The following NEGR1 variants were observed in gnomAD, a reference collection of about 807,000 sequenced individuals.
NEGR1 encodes IgLON family member 4.
In NEGR1, 10 loss-of-function variants were observed where a neutral mutation model predicts 40.9. The ratio of observed to expected loss-of-function variants is 0.24; its 90% CI spans 0.15 to 0.42. The LOEUF (loss-of-function observed/expected upper bound fraction) is 0.42. NEGR1 is among the 10% of genes least tolerant of loss of function. The pLI is 1.00. For synonymous variants in NEGR1, 185 were observed against 166.8 expected (o/e 1.11, Z -0.84); for missense variants, 352 against 438.9 (o/e 0.80, Z 1.77).
At chr1:71,430,656 T>A (rs190351224) in intron 6 of NEGR1, among the ~76,000 whole-genome samples, 2,044 of 144,754 alleles carry the variant, frequency 0.014, 46 homozygotes, top group East Asian at 0.044. Flanking sequence ...TAGCTTTTTT[T>A]TAAAAAAAAA....
chr1:71,981,529 G>T (rs1212996114), intron 1 of NEGR1, among the ~76,000 whole-genome samples: 1 of 152,144 alleles, frequency 6.6e-6, no homozygotes, highest in African/African-American at 2.4e-5. Flanking sequence ...TGGAAGTGAT[G>T]GAAGTGAAAC....
At chr1:71,553,828 A>T (rs193197961) in intron 6 of NEGR1, among the ~76,000 whole-genome samples, 34 of 151,568 alleles carry the variant, frequency 2.2e-4, no homozygotes, top group Non-Finnish European at 4.3e-4. Flanking sequence ...GTGTAGATAT[A>T]GCACAAATAT....
chr1:71,731,451 G>T (rs74782184), intron 3 of NEGR1, among the ~76,000 whole-genome samples: 10,989 of 152,122 alleles, frequency 0.072, 495 homozygotes, highest in East Asian at 0.14. Context: ...ACCATTCTGG[G>T]TCTTTTTAAA....
Position 71,625,232 on chromosome 1 carries a change from TTTG to T in NEGR1, c.668-14089_668-14087del, listed in dbSNP as rs1264557290. Among the ~76,000 whole-genome samples, 3 of 152,014 alleles carry T rather than the reference TTTG, an allele frequency of 2.0e-5. No homozygotes were observed. The East Asian group carries it at 5.8e-4, about 30-fold the overall frequency. On this transcript the variant is annotated intron_variant, in intron 4 of 6. Transcript: ENST00000357731. ...TCTGCATTTATATTGCTTTCACATT[TTTG>T]ATTTTTTTGTGTGTATGATACCTTA... is the stretch of plus-strand genomic sequence containing the variant.
chr1:72,213,467 T>A (rs548767336), intron 1 of NEGR1, among the ~76,000 whole-genome samples: 1 of 151,948 alleles, frequency 6.6e-6, no homozygotes, highest in Non-Finnish European at 1.5e-5. Context: ...TATGAAAACA[T>A]TCATCCAGGT....
intron 4 of NEGR1, among the ~76,000 whole-genome samples, chr1:71,687,396 G>C (rs1653074381): frequency 6.6e-6 from 1 of 152,094 alleles, no homozygotes. Flanking sequence ...AATGCCCCTG[G>C]CACAGTGGGC....
intron 1 of NEGR1, among the ~76,000 whole-genome samples, chr1:72,027,433 G>A (rs1311534794): frequency 6.6e-6 from 1 of 151,704 alleles, no homozygotes; most frequent in African/African-American, 2.4e-5. Context: ...TAGCTCACTA[G>A]ATTCCATGTA....
chr1:72,196,289 A>G (rs1179691953), intron 1 of NEGR1, among the ~76,000 whole-genome samples: 3 of 152,036 alleles, frequency 2.0e-5, no homozygotes, highest in Admixed American at 1.3e-4. Context: ...AAATTTCAAA[A>G]TCTGAAAAAA....
chr1:71,595,047 T>C (rs1181822573), intron 5 of NEGR1, among the ~76,000 whole-genome samples: 1 of 152,234 alleles, frequency 6.6e-6, no homozygotes, highest in Non-Finnish European at 1.5e-5. Flanking sequence ...ATGTTCCTTA[T>C]GGCTGTCTTT....
At position 71,875,722 on chromosome 1, in the gene NEGR1, A is replaced by C. The variant is rs750303954; in HGVS notation, c.409+59357T>G. On this transcript the variant is annotated intron_variant, in intron 2 of 6. Transcript: ENST00000357731. The stretch of plus-strand genomic sequence containing the variant: ...TAGAGACTGAAAACATCTGTATTTC[A>C]GAGGTCCTGCTTAACTACTTGAAAC... 1.1e-3 allele frequency among the ~76,000 whole-genome samples: 161 copies of C among 152,318 alleles called. 2 individuals are homozygous for C. Among genetic ancestry groups the C allele is most frequent in the Non-Finnish European group, 1.2e-3 (83 of 68,028 alleles).
chr1:71,975,983 G>T (rs1472173020), intron 1 of NEGR1, among the ~76,000 whole-genome samples: 1 of 152,218 alleles, frequency 6.6e-6, no homozygotes, highest in Non-Finnish European at 1.5e-5. Flanking sequence ...AGACTGTGTT[G>T]TGTGGTTATC....
At chr1:72,007,948 G>A (rs1010555984) in intron 1 of NEGR1, among the ~76,000 whole-genome samples, 18 of 152,056 alleles carry the variant, frequency 1.2e-4, no homozygotes, top group African/African-American at 4.3e-4. Context: ...GAGCGGCTAA[G>A]TTTTAACTAT....
intron 1 of NEGR1, among the ~76,000 whole-genome samples, chr1:72,046,539 T>C (rs1282405030): frequency 6.6e-6 from 1 of 151,614 alleles, no homozygotes; most frequent in South Asian, 2.1e-4. Flanking sequence ...AACAGATCTA[T>C]GTTAGAATAC....
At chr1:71,952,119 A>C (rs1411659477) in intron 1 of NEGR1, among the ~76,000 whole-genome samples, 1 of 151,964 alleles carries the variant, frequency 6.6e-6, no homozygotes, top group African/African-American at 2.4e-5. Flanking sequence ...AAGTGAAAGG[A>C]AGAGCATCAC....
chr1:71,401,409 A>G lies in NEGR1; in HGVS notation c.*6037T>C, dbSNP rs914584958. 1.3e-5 allele frequency: 2 copies of G among 152,180 alleles called. No homozygotes were observed. The highest frequency in any genetic ancestry group is 4.8e-5 in the African/African-American group (2 of 41,458). 9.4% of individuals were successfully genotyped at this position (152,180 alleles called of 1,614,324 possible). ...AGGTCCTTCATTAATGAATTAATTT[A>G]TTCATTTCATAAGTGTATGAAAATC... is the stretch of plus-strand genomic sequence containing the variant. On this transcript the variant is annotated 3_prime_UTR_variant, in exon 7 of 7. Coordinates refer to ENST00000357731, the MANE Select transcript of NEGR1 (RefSeq NM_173808.3).
intron 6 of NEGR1, among the ~76,000 whole-genome samples, chr1:71,435,780 T>G (rs1569868289): frequency 1.3e-5 from 2 of 152,200 alleles, no homozygotes; most frequent in East Asian, 3.8e-4. Context: ...TTGGAAGAGG[T>G]GCATCAATGC....
intron 1 of NEGR1, among the ~76,000 whole-genome samples, chr1:72,068,826 T>C (rs1451336400): frequency 6.6e-6 from 1 of 152,152 alleles, no homozygotes; most frequent in East Asian, 1.9e-4. Flanking sequence ...TTGAGGAATT[T>C]TCTAGATGTA....
intron 1 of NEGR1, among the ~76,000 whole-genome samples, chr1:72,184,560 C>T (rs754040221): frequency 2.6e-5 from 4 of 151,966 alleles, no homozygotes; most frequent in Non-Finnish European, 4.4e-5. Context: ...GGTTAGTAAG[C>T]TTCATGCAAT....
chr1:72,236,277 T>C (rs193101474), intron 1 of NEGR1, among the ~76,000 whole-genome samples: 11 of 151,954 alleles, frequency 7.2e-5, no homozygotes, highest in Admixed American at 6.6e-4. Context: ...CACTGGGGAC[T>C]TTTGAGGGGT....
Sources: gnomAD v4.1 joint callset for allele counts (sites outside exome capture counted in the v4.1 genomes callset) on GRCh38, gnomAD v4.1.1 for gene constraint, MANE v1.5 for transcripts, NCBI Gene and HGNC (gene_info 2026-07-23, HGNC 2026-07-21) for gene names.